SMARCA2: variants seen among roughly 807,000 people sequenced by gnomAD.
SMARCA2 encodes SWI/SNF related BAF chromatin remodeling complex subunit ATPase 2.
Under a neutral mutation model 199.8 loss-of-function variants are expected in SMARCA2, and 61 were observed. That is an observed-to-expected ratio of 0.31 (90% confidence interval 0.25 to 0.38). The LOEUF (loss-of-function observed/expected upper bound fraction) is 0.38, where lower values mean the gene tolerates loss of function less well. Ranked by LOEUF, SMARCA2 falls within the 10% of genes least tolerant of loss-of-function variation. The probability of loss-of-function intolerance (pLI) is 1.00; values close to 1 mark genes in which losing one functional copy is unlikely to be tolerated. For synonymous variants in SMARCA2, 935 were observed against 732.0 expected, an observed-to-expected ratio of 1.28 and a Z score of -4.48; for missense variants, 1,344 against 2,012.2, an observed-to-expected ratio of 0.67 and a Z score of 6.35.
intron 4 of SMARCA2, among the ~76,000 whole-genome samples, chr9:2,046,637 G>C (rs76651619): frequency 1.3e-5 from 2 of 151,256 alleles, no homozygotes; most frequent in African/African-American, 4.8e-5. Flanking sequence ...TAAAGCATGG[G>C]TTCTGACAGC....
At chr9:2,066,510 T>A (rs1820843705) in intron 9 of SMARCA2, among the ~76,000 whole-genome samples, 1 of 152,208 alleles carries the variant, frequency 6.6e-6, no homozygotes, top group Non-Finnish European at 1.5e-5. Flanking sequence ...ACACACTGTC[T>A]TTAGTTTGAG....
chr9:2,188,128 TG>T, intron 32 of SMARCA2, among the ~76,000 whole-genome samples: 1 of 152,338 alleles, frequency 6.6e-6, no homozygotes, highest in South Asian at 2.1e-4. Context: ...TAATGATTTT[TG>T]TACTTATTAT....
chr9:2,188,427 CTAGT>C (rs1257225469), intron 32 of SMARCA2, among the ~76,000 whole-genome samples: 1 of 152,140 alleles, frequency 6.6e-6, no homozygotes, highest in Non-Finnish European at 1.5e-5. Context: ...TATCTATATT[CTAGT>C]TAGTGATTCT....
At chr9:2,146,441 C>G (rs528539187) in intron 27 of SMARCA2, among the ~76,000 whole-genome samples, 12 of 152,254 alleles carry the variant, frequency 7.9e-5, no homozygotes, top group African/African-American at 2.6e-4. Context: ...GATCCCACCA[C>G]TTACTCAAAG....
chr9:2,029,219 C>T lies in SMARCA2; in HGVS notation c.197C>T (p.Pro66Leu). The T allele has an allele frequency of 6.2e-7, 1 of 1,612,520 alleles. No individual in the cohort carries two copies. Among genetic ancestry groups the T allele is most frequent in the South Asian group, 1.1e-5 (1 of 90,666 alleles). Residue 66 changes from proline (P) to leucine (L), a missense_variant, in exon 2 of 34, where the codon CCA becomes CTA. Around this residue, in one of 18 missense-constraint regions of SMARCA2, gnomAD observed 275 missense variants for 247.5 expected, o/e 1.11. Coordinates refer to ENST00000349721, the MANE Select transcript of SMARCA2 (RefSeq NM_003070.5). ...CCGACGATGGGGTCCACAGACTTCCCACAGGAAGGCATGCATCAAATGCAT... is the reference window on the plus strand; with the variant it reads ...CCGACGATGGGGTCCACAGACTTCCTACAGGAAGGCATGCATCAAATGCAT... ...PMPTMGSTDF[P>L]QEGMHQMHKP...
rs1820361708 is a variant in SMARCA2 at position 2,056,528 on chromosome 9, A to T, written c.1174-144A>T. 1 of 654,078 alleles carries T rather than the reference A, an allele frequency of 1.5e-6. No individual in the cohort carries two copies. Among genetic ancestry groups the T allele is most frequent in the Non-Finnish European group, 2.5e-6 (1 of 399,230 alleles). 40.5% of individuals were successfully genotyped at this position (654,078 alleles called of 1,614,324 possible). A position where few individuals can be genotyped will look rare whatever the true frequency, so the allele number is the denominator to read the frequency against. ...CATTTGGCATGATTTTAGTTCCTTC[A>T]TTTAATACAAACCAAAGGTGATTGA... On this transcript the variant is annotated intron_variant, in intron 6 of 33. Coordinates refer to ENST00000349721, the MANE Select transcript of SMARCA2 (RefSeq NM_003070.5). The surrounding 1 kb of genome is among the most constrained non-coding windows in gnomAD (Gnocchi z 4.0).
chr9:2,185,450 T>C (rs1827371070), intron 31 of SMARCA2, among the ~76,000 whole-genome samples: 1 of 152,234 alleles, frequency 6.6e-6, no homozygotes, highest in South Asian at 2.1e-4. Context: ...CTCTTGGCTA[T>C]TGTGAATAAT....
intron 29 of SMARCA2, among the ~76,000 whole-genome samples, chr9:2,173,639 G>A (rs1180153495): frequency 6.6e-6 from 1 of 152,138 alleles, no homozygotes; most frequent in African/African-American, 2.4e-5. Context: ...CTCATGCATT[G>A]TCTGGTGCAT....
chr9:2,096,567 C>T (rs563935917), intron 19 of SMARCA2, 90 bp from the exon 20 acceptor site: 32 of 790,924 alleles, frequency 4.0e-5, no homozygotes, highest in South Asian at 3.8e-4. Context: ...CACCTTTGTG[C>T]TTCCAGGAGT....
At chr9:2,159,363 C>T (rs1433705229) in intron 27 of SMARCA2, 3 of 229,092 alleles carry the variant, frequency 1.3e-5, no homozygotes, top group African/African-American at 6.8e-5. Context: ...AGAACATGTA[C>T]ATTGCTTTTA....
chr9:2,055,022 G>A (rs58451824), intron 6 of SMARCA2, among the ~76,000 whole-genome samples: 1 of 152,278 alleles, frequency 6.6e-6, no homozygotes, highest in East Asian at 1.9e-4. Flanking sequence ...GGGAACAAGT[G>A]GGGTAGCTCA....
chr9:2,047,307 C>T lies in SMARCA2; in HGVS notation c.869C>T (p.Ala290Val), dbSNP rs1284404989. The change falls in exon 5 of 34, where the codon GCG (alanine) becomes GTG (valine). Residue 290 changes from alanine to valine, a missense_variant. Coordinates refer to ENST00000349721, the MANE Select transcript of SMARCA2 (RefSeq NM_003070.5). ...VPAPGGRPSPAPPAAAQPPAA... is the reference protein window; with the variant it reads ...VPAPGGRPSPVPPAAAQPPAA... ...GCGCCCGGCGGCCGGCCCTCGCCCG[C>T]GCCCCCCGCAGCCGCGCAGCCGCCC... The T allele has an allele frequency of 4.0e-6, 4 of 1,005,400 alleles. No homozygotes were observed. Among genetic ancestry groups the T allele is most frequent in the East Asian group, 9.8e-5 (1 of 10,158 alleles). The allele number at this position is 1,005,400 out of a possible 1,614,324, so 62.3% of individuals were successfully genotyped here. A position where few individuals can be genotyped will look rare whatever the true frequency, so the allele number is the denominator to read the frequency against.
intron 29 of SMARCA2, among the ~76,000 whole-genome samples, chr9:2,176,182 GTT>G (rs56186732): frequency 0.052 from 5,415 of 104,080 alleles, 193 homozygotes; most frequent in East Asian, 0.23. Context: ...CGCCCGGCCT[GTT>G]TTTTTTTTTT....
chr9:2,062,350 G>A (rs573827091), intron 9 of SMARCA2, among the ~76,000 whole-genome samples: 54 of 152,350 alleles, frequency 3.5e-4, no homozygotes, highest in African/African-American at 1.3e-3. Flanking sequence ...GTGTTCTGCA[G>A]AGGTTGTCAC....
In SMARCA2 at chr9:2,170,583, C is replaced by T. The variant is rs189480501; in HGVS notation, c.4253+111C>T. On this transcript the variant is annotated intron_variant, in intron 29 of 33. Coordinates refer to ENST00000349721, the MANE Select transcript of SMARCA2 (RefSeq NM_003070.5). This position sits in a 1 kb window ranked among gnomAD's most constrained non-coding sequence, Gnocchi z 4.7. ...GGAAGCAAATTTCTTCGGTCACCTC[C>T]TGATCACCCCTACTTGGAGAGCGGG... 7 of 1,546,114 alleles carry T rather than the reference C, an allele frequency of 4.5e-6. No homozygotes were observed. The highest frequency in any genetic ancestry group is 6.2e-6 in the Non-Finnish European group (7 of 1,129,250).
chr9:2,148,758 C>T (rs563895055), intron 27 of SMARCA2, among the ~76,000 whole-genome samples: 2 of 151,604 alleles, frequency 1.3e-5, no homozygotes, highest in South Asian at 2.1e-4. Context: ...ATCCTCCTGC[C>T]TCAGCCTCCC....
intron 5 of SMARCA2, among the ~76,000 whole-genome samples, chr9:2,049,253 G>A (rs1248768088): frequency 2.6e-5 from 4 of 152,068 alleles, no homozygotes; most frequent in African/African-American, 9.7e-5. Context: ...ACTCCTAAAT[G>A]TTCTTAATCA....
intron 27 of SMARCA2, among the ~76,000 whole-genome samples, chr9:2,153,107 C>A (rs1379727184): frequency 6.6e-6 from 1 of 152,042 alleles, no homozygotes; most frequent in Non-Finnish European, 1.5e-5. Flanking sequence ...AGCTAATTCA[C>A]GACATGGAAA....
At chr9:2,095,591 G>A (rs1311206371) in intron 19 of SMARCA2, among the ~76,000 whole-genome samples, 6 of 152,102 alleles carry the variant, frequency 3.9e-5, no homozygotes, top group African/African-American at 1.2e-4. Flanking sequence ...GTAAAAGAGC[G>A]GGCTTTTCTC....
Sources: gnomAD v4.1 joint callset for allele counts (sites outside exome capture counted in the v4.1 genomes callset) on GRCh38, gnomAD v4.1.1 for gene constraint, gnomAD v4.1.1 regional missense constraint, Gnocchi (gnomAD v3.1) non-coding constraint, MANE v1.5 for transcripts, NCBI Gene and HGNC (gene_info 2026-07-23, HGNC 2026-07-21) for gene names.